MCTP1: variants seen among roughly 807,000 people sequenced by gnomAD.
MCTP1 encodes the protein multiple C2 and transmembrane domain-containing protein 1.
Under a neutral mutation model 120.6 loss-of-function variants are expected in MCTP1, and 69 were observed. The observed-to-expected ratio is 0.57, with a 90% CI of 0.47 to 0.70. The LOEUF (loss-of-function observed/expected upper bound fraction) is 0.70, where lower values mean the gene tolerates loss of function less well. MCTP1 is among the 30% of genes least tolerant of loss of function. The probability of loss-of-function intolerance (pLI) is 0.00; values close to 1 mark genes in which losing one functional copy is unlikely to be tolerated. For missense variants in MCTP1, 1,203 were observed against 1,248.8 expected (o/e 0.96, Z 0.55); for synonymous variants, 529 against 493.1 (o/e 1.07, Z -0.96).
In MCTP1 at chr5:95,201,939, G is replaced by GA. The variant is rs144329609; in HGVS notation, c.720+81916_720+81917insT. The stretch of plus-strand genomic sequence containing the variant: ...CTCTGTGTTCTAACATCTGGTATGG[G>GA]GATGAGAAATTTGATTCACATTTCA... On this transcript the variant is annotated intron_variant, in intron 1 of 22. Coordinates refer to ENST00000515393, the MANE Select transcript of MCTP1 (RefSeq NM_024717.7). Among the ~76,000 whole-genome samples the GA allele has an allele frequency of 9.7e-3, 1,477 of 152,212 alleles. 37 individuals are homozygous for GA. The highest frequency in any genetic ancestry group is 0.034 in the African/African-American group (1,391 of 41,500).
intron 1 of MCTP1, among the ~76,000 whole-genome samples, chr5:95,231,870 C>T (rs1443377570): frequency 2.0e-5 from 3 of 152,056 alleles, no homozygotes; most frequent in Non-Finnish European, 2.9e-5. Context: ...TTATATTACA[C>T]ATGAAGGGAT....
At chr5:94,972,376 C>T (rs960004759) in intron 2 of MCTP1, among the ~76,000 whole-genome samples, 2 of 152,146 alleles carry the variant, frequency 1.3e-5, no homozygotes, top group Admixed American at 1.3e-4. Flanking sequence ...CCTTTCCCTT[C>T]ACTATCACTG....
At chr5:94,979,179 C>G (rs890631824) in intron 2 of MCTP1, 3 of 146,464 alleles carry the variant, frequency 2.0e-5, no homozygotes, top group Non-Finnish European at 4.5e-5. Flanking sequence ...TTTTCCTACT[C>G]TCCAGGTTAA....
At chr5:94,823,003 G>A (rs767821192) in intron 17 of MCTP1, among the ~76,000 whole-genome samples, 1 of 152,150 alleles carries the variant, frequency 6.6e-6, no homozygotes, top group Non-Finnish European at 1.5e-5. Flanking sequence ...TAGGTTGCCT[G>A]TTCACTCTGA....
At chr5:94,952,174 A>C (rs1192385134) in intron 3 of MCTP1, among the ~76,000 whole-genome samples, 5 of 54,716 alleles carry the variant, frequency 9.1e-5, no homozygotes, top group African/African-American at 3.9e-4. Flanking sequence ...TTTGTCGCAA[A>C]AAAAAAAAAA....
chr5:95,155,332 G>A (rs895842835), intron 1 of MCTP1, among the ~76,000 whole-genome samples: 2 of 152,064 alleles, frequency 1.3e-5, no homozygotes, highest in African/African-American at 2.4e-5. Context: ...CAATCAGGCT[G>A]GGTACATTCC....
At chr5:94,938,514 G>A (rs1816769905) in intron 5 of MCTP1, among the ~76,000 whole-genome samples, 1 of 151,848 alleles carries the variant, frequency 6.6e-6, no homozygotes, top group Admixed American at 6.6e-5. Context: ...CATATCTCAG[G>A]TCTTATTTGG....
chr5:95,035,643 T>G (rs1399504267), intron 1 of MCTP1, among the ~76,000 whole-genome samples: 2 of 152,078 alleles, frequency 1.3e-5, no homozygotes, highest in Non-Finnish European at 2.9e-5. Flanking sequence ...GGGTGATAGG[T>G]TCACTAGAAG....
chr5:94,942,228 CTA>C, intron 4 of MCTP1, 118 bp downstream of exon 4: 1 of 652,946 alleles, frequency 1.5e-6, no homozygotes, highest in South Asian at 1.9e-5. Context: ...GAAAGGCTGA[CTA>C]GCAGGAAGGC....
intron 19 of MCTP1, among the ~76,000 whole-genome samples, chr5:94,738,404 T>C (rs954490): frequency 0.053 from 8,023 of 152,158 alleles, 334 homozygotes; most frequent in African/African-American, 0.11. Flanking sequence ...CTTGTCCCAG[T>C]GCAAAGTGCC....
chr5:95,010,534 ATCAATCCT>A (rs747787084), intron 2 of MCTP1, among the ~76,000 whole-genome samples: 2 of 152,180 alleles, frequency 1.3e-5, no homozygotes, highest in Non-Finnish European at 2.9e-5. Context: ...TAAATATTTA[ATCAATCCT>A]TAACTCAGGT....
chr5:94,978,516 T>C (rs892035380), intron 2 of MCTP1, among the ~76,000 whole-genome samples: 3 of 152,104 alleles, frequency 2.0e-5, no homozygotes, highest in Admixed American at 6.6e-5. Context: ...TGGAATATTA[T>C]TCAGACTGAA....
intron 1 of MCTP1, among the ~76,000 whole-genome samples, chr5:95,222,105 C>G (rs571683485): frequency 1.2e-4 from 19 of 152,222 alleles, no homozygotes; most frequent in Admixed American, 9.8e-4. Flanking sequence ...GGTAATCAGC[C>G]CAGGTCTGGG....
chr5:95,161,953 G>GC (rs1745786820), intron 1 of MCTP1, among the ~76,000 whole-genome samples: 1 of 152,166 alleles, frequency 6.6e-6, no homozygotes, highest in Non-Finnish European at 1.5e-5. Flanking sequence ...CTCTGATCAA[G>GC]TGGGGAGATG....
intron 1 of MCTP1, among the ~76,000 whole-genome samples, chr5:95,237,250 C>T (rs1755649116): frequency 6.6e-6 from 1 of 152,174 alleles, no homozygotes; most frequent in African/African-American, 2.4e-5. Flanking sequence ...AACCTTTTCC[C>T]AGAACCAGCA....
intron 2 of MCTP1, among the ~76,000 whole-genome samples, chr5:94,995,171 G>T (rs1472512418): frequency 6.6e-6 from 1 of 152,244 alleles, no homozygotes; most frequent in Non-Finnish European, 1.5e-5. Flanking sequence ...ACTAAGACGG[G>T]GGGCAGTGAG....
At chr5:94,848,974 CTCT>C (rs1393655619) in intron 17 of MCTP1, among the ~76,000 whole-genome samples, 1 of 151,624 alleles carries the variant, frequency 6.6e-6, no homozygotes, top group African/African-American at 2.4e-5. Flanking sequence ...GTTCCTTTCC[CTCT>C]TATTAGTATA....
chr5:95,284,628 TCTCCTCCCTCTTCGGCTGCAC>T lies in MCTP1; in HGVS notation c.-74_-54del, dbSNP rs1476984899. 5 of 1,318,300 alleles carry T rather than the reference TCTCCTCCCTCTTCGGCTGCAC, an allele frequency of 3.8e-6. No homozygotes were observed. The highest frequency in any genetic ancestry group is 4.9e-6 in the Non-Finnish European group (5 of 1,018,652). 81.7% of individuals were successfully genotyped at this position (1,318,300 alleles called of 1,614,324 possible). On this transcript the variant is annotated 5_prime_UTR_variant, in exon 1 of 23. Coordinates refer to ENST00000515393, the MANE Select transcript of MCTP1 (RefSeq NM_024717.7). This position sits in a 1 kb window ranked among gnomAD's most constrained non-coding sequence, Gnocchi z 5.2. ...TCCTCCTCCTCCTCCTCCTCCTGCT[TCTCCTCCCTCTTCGGCTGCAC>T]CTCCTCCCGGGTCCCCGCGGCGCTG...
intron 1 of MCTP1, among the ~76,000 whole-genome samples, chr5:95,198,360 A>G (rs2152544297): frequency 6.6e-6 from 1 of 152,306 alleles, no homozygotes; most frequent in Non-Finnish European, 1.5e-5. Context: ...ATACACATTC[A>G]GTAGAAACCA....
Sources: gnomAD v4.1 joint callset for allele counts (sites outside exome capture counted in the v4.1 genomes callset) on GRCh38, gnomAD v4.1.1 for gene constraint, Gnocchi (gnomAD v3.1) non-coding constraint, MANE v1.5 for transcripts, NCBI Gene and HGNC (gene_info 2026-07-23, HGNC 2026-07-21) for gene names.